EIF4G2: variants seen among roughly 807,000 people sequenced by gnomAD.
EIF4G2 encodes eukaryotic translation initiation factor 4 gamma 2, also known as DAP-5.
In EIF4G2, 8 loss-of-function variants were observed where a neutral mutation model predicts 117.7. The observed-to-expected ratio is 0.07, with a 90% CI of 0.04 to 0.12. The LOEUF is 0.12. Among genes scored for constraint, EIF4G2 ranks in the 10% least tolerant of loss-of-function variants. The pLI, the probability that EIF4G2 is intolerant of heterozygous loss-of-function variation, is 1.00. For missense variants in EIF4G2, 812 were observed against 1,086.2 expected (o/e 0.75, Z 3.55); for synonymous variants, 413 against 367.8 (o/e 1.12, Z -1.41).
Position 10,804,066 on chromosome 11 carries a change from A to G in EIF4G2, c.551-16T>C, listed in dbSNP as rs575479755. 2 of 1,612,988 alleles carry G rather than the reference A, an allele frequency of 1.2e-6. No homozygotes were observed. The highest frequency in any genetic ancestry group is 4.5e-5 in the East Asian group (2 of 44,840). ...TTATCATAGACTGAAAAAGATACCA[A>G]TGAAGTAAGCCAACATTCAGAATTA... On this transcript the variant is annotated splice_polypyrimidine_tract_variant and intron_variant, in intron 7 of 21. Coordinates refer to ENST00000339995, the MANE Select transcript of EIF4G2 (RefSeq NM_001418.4).
rs1408620469 is a variant in EIF4G2, at chr11:10,803,968, G to C, written c.633C>G (p.Ile211Met). The change falls in exon 8 of 22, where the codon ATC becomes ATG. Residue 211 changes from isoleucine to methionine, a missense_variant. This residue lies in a region of EIF4G2 where 154 missense variants were observed against 322.1 expected (regional missense o/e 0.48). Coordinates refer to ENST00000339995, the MANE Select transcript of EIF4G2 (RefSeq NM_001418.4). This position sits in a 1 kb window ranked among gnomAD's most constrained non-coding sequence, Gnocchi z 4.0. ...GCTTGCCAAGCTCTCCAATGAATTTGATGTTTCCCAACATCTTGATCTTAG... is the reference window on the plus strand; with the variant it reads ...GCTTGCCAAGCTCTCCAATGAATTTCATGTTTCCCAACATCTTGATCTTAG... 6.2e-7 allele frequency: 1 copy of C among 1,614,010 alleles called. No individual in the cohort carries two copies. Among genetic ancestry groups the C allele is most frequent in the Non-Finnish European group, 8.5e-7 (1 of 1,180,044 alleles).
chr11:10,807,520 A>C, intron 1 of EIF4G2, 139 bp from the exon 2 acceptor site: 4 of 1,309,404 alleles, frequency 3.1e-6, no homozygotes, highest in Non-Finnish European at 3.9e-6. Context: ...TGTACTCAAA[A>C]CACTGACAAT....
chr11:10,800,037 A>G, intron 18 of EIF4G2, 53 bp downstream of exon 18: 1 of 1,570,540 alleles, frequency 6.4e-7, no homozygotes, highest in South Asian at 1.2e-5. Flanking sequence ...GGTACCTGAA[A>G]TCTCTAGATA....
rs1326987444 is a variant in EIF4G2, at chr11:10,799,352, T to C, written c.2397A>G (p.Lys799=). 6.2e-7 allele frequency: 1 copy of C among 1,613,628 alleles called. No homozygotes were observed. Among genetic ancestry groups the C allele is most frequent in the Admixed American group, 1.7e-5 (1 of 60,018 alleles). ...GTTGTTTTTCCTGCTCTAACTGTTC[T>C]TTGGAAGGAGCAGAGGATGAATCTG... Residue 799 remains lysine (K), a synonymous_variant, in exon 20 of 22, where the codon AAA becomes AAG. Transcript: ENST00000339995.
chr11:10,807,071 A>C, intron 2 of EIF4G2, 184 bp downstream of exon 2: 3 of 1,164,354 alleles, frequency 2.6e-6, no homozygotes, highest in Non-Finnish European at 3.6e-6. Flanking sequence ...CTCGGACCCA[A>C]AGGAAAGGCA....
At chr11:10,806,723 G>A (rs1424648437) in intron 3 of EIF4G2, 97 bp downstream of exon 3, 8 of 1,322,146 alleles carry the variant, frequency 6.1e-6, no homozygotes, top group South Asian at 1.2e-5. Context: ...CTTAAGATTA[G>A]GAGTCTTGAT....
rs1375468202 is a variant in EIF4G2, at chr11:10,799,423, A to G, written c.2326T>C (p.Phe776Leu). 6.2e-7 allele frequency: 1 copy of G among 1,611,506 alleles called. No individual in the cohort carries two copies. The highest frequency in any genetic ancestry group is 8.5e-7 in the Non-Finnish European group (1 of 1,179,914). ...ACTTCACTAGAAATGTACTGTAAGA[A>G]GCTGGACAGAAAGAGGTCTTGTTAG... The change falls in exon 20 of 22, where the codon TTC becomes CTC. Residue 776 changes from phenylalanine (F) to leucine (L), a missense_variant and splice_region_variant. Coordinates refer to ENST00000339995, the MANE Select transcript of EIF4G2 (RefSeq NM_001418.4).
chr11:10,806,336 T>G (rs556761535), intron 3 of EIF4G2: 26 of 428,848 alleles, frequency 6.1e-5, no homozygotes, highest in Non-Finnish European at 1.1e-4. Flanking sequence ...TGGAACCACA[T>G]TTTGAAAATT....
rs187488944 is a variant in EIF4G2 at position 10,797,728 on chromosome 11, C to A, written c.*88G>T. 7.6e-6 allele frequency: 10 copies of A among 1,318,864 alleles called. No individual in the cohort carries two copies. The African/African-American group carries it at 1.2e-4, about 15-fold the overall frequency. The allele number at this position is 1,318,864 out of a possible 1,614,324, so 81.7% of individuals were successfully genotyped here. ...TTTAAATATTGTGAAAACATTACAG[C>A]GGAATGAATTTTCGCAGTGGTTAGG... On this transcript the variant is annotated 3_prime_UTR_variant, in exon 22 of 22. Coordinates refer to ENST00000339995, the MANE Select transcript of EIF4G2 (RefSeq NM_001418.4). The surrounding 1 kb of genome is among the most constrained non-coding windows in gnomAD (Gnocchi z 4.5).
At position 10,807,287 on chromosome 11, in the gene EIF4G2, A is replaced by G; in HGVS notation, c.9T>C (p.Ser3=). The G allele has an allele frequency of 6.2e-7, 1 of 1,612,536 alleles. No individual in the cohort carries two copies. The highest frequency in any genetic ancestry group is 8.5e-7 in the Non-Finnish European group (1 of 1,179,576). The change falls in exon 2 of 22, where the codon AGT becomes AGC. Residue 3 remains serine, a synonymous_variant. Transcript: ENST00000339995. ...GAGAAGCACCCCCTTCTGCAATCGC[A>G]CTCTCCACTTTGGCGGCTTGACAAC... is the stretch of plus-strand genomic sequence containing the variant.
intron 2 of EIF4G2, 57 bp downstream of exon 2, chr11:10,807,198 A>C (rs957304001): frequency 3.3e-5 from 52 of 1,569,166 alleles, no homozygotes; most frequent in Non-Finnish European, 4.1e-5. Context: ...TGCTGTGTTA[A>C]CTACTTTTTG....
At chr11:10,801,412 A>T in intron 14 of EIF4G2, 1 of 655,608 alleles carries the variant, frequency 1.5e-6, no homozygotes. Flanking sequence ...TTACAAAGAA[A>T]GAAACCACAA....
Position 10,800,795 on chromosome 11 carries a change from T to G in EIF4G2, c.1580A>C (p.Gln527Pro), listed in dbSNP as rs1434901435. ...TTTGCTGGTCTTGGCAGGCTTTTCC[T>G]GGATAAGCGGTGGATTAGTTTTGAG... is the stretch of plus-strand genomic sequence containing the variant. Residue 527 changes from glutamine to proline, a missense_variant, in exon 16 of 22, where the codon CAG becomes CCG. This residue lies in a region of EIF4G2 where 571 missense variants were observed against 642.3 expected (regional missense o/e 0.89). Coordinates refer to ENST00000339995, the MANE Select transcript of EIF4G2 (RefSeq NM_001418.4). 6.2e-7 allele frequency: 1 copy of G among 1,614,236 alleles called. No individual in the cohort carries two copies. The highest frequency in any genetic ancestry group is 1.1e-5 in the South Asian group (1 of 91,088).
At chr11:10,804,551 G>T in intron 5 of EIF4G2, 133 bp from the exon 6 acceptor site, 1 of 1,149,762 alleles carries the variant, frequency 8.7e-7, no homozygotes. Flanking sequence ...ATTTCATCTA[G>T]TCACATCCAT....
At chr11:10,801,896 A>G in intron 13 of EIF4G2, 122 bp from the exon 14 acceptor site, 3 of 1,146,206 alleles carry the variant, frequency 2.6e-6, no homozygotes, top group Non-Finnish European at 2.5e-6. Flanking sequence ...CAGAGAAAGT[A>G]AAAGATGAAA....
Position 10,803,392 on chromosome 11 carries a change from A to T in EIF4G2, c.813+88T>A, listed in dbSNP as rs1847480381. ...AAATTATAACCCAGTTAATGGCTAA[A>T]TATGGCAATCCCTTATGATGTCACA... On this transcript the variant is annotated intron_variant, in intron 9 of 21. Coordinates refer to ENST00000339995, the MANE Select transcript of EIF4G2 (RefSeq NM_001418.4). This position sits in a 1 kb window ranked among gnomAD's most constrained non-coding sequence, Gnocchi z 4.0. The T allele has an allele frequency of 1.3e-5, 20 of 1,555,228 alleles. No individual in the cohort carries two copies. Among genetic ancestry groups the T allele is most frequent in the Non-Finnish European group, 1.7e-5 (19 of 1,131,120 alleles).
intron 1 of EIF4G2, chr11:10,807,992 G>C (rs1223789335): frequency 9.6e-7 from 1 of 1,040,706 alleles, no homozygotes; most frequent in African/African-American, 1.7e-5. Flanking sequence ...GCAAGTTAGG[G>C]AAGTGCTTCC....
At position 10,800,439 on chromosome 11, in the gene EIF4G2, A is replaced by T; in HGVS notation, c.1853T>A (p.Phe618Tyr). The change falls in exon 17 of 22, where the codon TTC becomes TAC. Residue 618 changes from phenylalanine (F) to tyrosine (Y), a missense_variant. Phe to Tyr is a conservative substitution (Grantham distance 22). Around this residue, in one of 4 missense-constraint regions of EIF4G2, gnomAD observed 571 missense variants for 642.3 expected, o/e 0.89. Transcript: ENST00000339995. ...ATCAGTAAAGTGTCCTACCTGCATG[A>T]AGTTGTCACTTGTGGCTATCCCTTC... is the stretch of plus-strand genomic sequence containing the variant. The T allele has an allele frequency of 6.2e-7, 1 of 1,614,188 alleles. No individual in the cohort carries two copies. Among genetic ancestry groups the T allele is most frequent in the Non-Finnish European group, 8.5e-7 (1 of 1,180,016 alleles).
chr11:10,800,061 AC>A, intron 18 of EIF4G2, 28 bp downstream of exon 18: 2 of 1,599,972 alleles, frequency 1.3e-6, no homozygotes, highest in Non-Finnish European at 1.7e-6. Context: ...TATTAAAAAA[AC>A]AAAACAAACA....
Sources: gnomAD v4.1 joint callset for allele counts on GRCh38, gnomAD v4.1.1 for gene constraint, gnomAD v4.1.1 regional missense constraint, Gnocchi (gnomAD v3.1) non-coding constraint, MANE v1.5 for transcripts, NCBI Gene and HGNC (gene_info 2026-07-23, HGNC 2026-07-21) for gene names.